Variants in SAXO2 observed in about 807,000 individuals in gnomAD.
The protein encoded by SAXO2 is stabilizer of axonemal microtubules 2.
SAXO2 carries 17 observed loss-of-function variants against 18.7 expected under a neutral mutation model. The observed-to-expected ratio is 0.91, with a 90% CI of 0.62 to 1.36. SAXO2 has a LOEUF of 1.36. Ranked by LOEUF, SAXO2 falls within the 40% of genes most tolerant of loss-of-function variation. The pLI is 0.00. For missense variants in SAXO2, 486 were observed against 562.6 expected (o/e 0.86, Z 1.38); for synonymous variants, 163 against 181.2 (o/e 0.90, Z 0.81).
In SAXO2 at chr15:82,265,693, G is replaced by C. The variant is rs3858954; in HGVS notation, c.178G>C (p.Ala60Pro). ...DNVLPPQSLK[A>P]KQEIRACHGK... is the part of the protein sequence containing the mutation. Reference sequence around the variant, plus strand: ...TGTTCTTCCACCTCAGAGTCTTAAAGCCAAGCAAGAAATTCGAGCATGCCA... The same window carrying C: ...TGTTCTTCCACCTCAGAGTCTTAAACCCAAGCAAGAAATTCGAGCATGCCA... Residue 60 changes from alanine (A) to proline (P), a missense_variant, in exon 2 of 4, where the codon GCC becomes CCC. Physicochemically the swap from Ala to Pro is conservative, Grantham distance 27. Coordinates refer to ENST00000682753, the MANE Select transcript of SAXO2 (RefSeq NM_001348699.2). 0.64 allele frequency: 980,562 copies of C among 1,524,066 alleles called. 321,534 individuals are homozygous for C. The highest frequency in any genetic ancestry group is 0.91 in the African/African-American group (65,574 of 72,160). The allele number at this position is 1,524,066 out of a possible 1,614,324, so 94.4% of individuals were successfully genotyped here.
rs756882543 is a variant in SAXO2, at chr15:82,282,960, C to T, written c.1275C>T (p.Cys425=). Residue 425 remains cysteine, a synonymous_variant, in exon 4 of 4, where the codon TGC becomes TGT. Transcript: ENST00000682753. ...ACACACCGAAAAGACAGGAAATTTG[C>T]CCAGCCAGCTATCCCTCTCCTCCAG... The part of the protein sequence containing the change: ...VEYTPKRQEI[C]PASYPSPPGY... The T allele has an allele frequency of 2.5e-6, 4 of 1,614,100 alleles. No individual in the cohort carries two copies. The highest frequency in any genetic ancestry group is 3.4e-6 in the Non-Finnish European group (4 of 1,179,996).
intron 1 of SAXO2, 150 bp downstream of exon 1, chr15:82,263,082 C>T: frequency 1.3e-6 from 2 of 1,508,394 alleles, no homozygotes; most frequent in South Asian, 2.5e-5. Context: ...TTATCCCGCT[C>T]CGCGAATACT....
intron 2 of SAXO2, among the ~76,000 whole-genome samples, chr15:82,269,491 G>A (rs1243520383): frequency 6.6e-6 from 1 of 152,204 alleles, no homozygotes; most frequent in Non-Finnish European, 1.5e-5. Flanking sequence ...GGCTAGTGAA[G>A]AAGACCAGGC....
intron 3 of SAXO2, among the ~76,000 whole-genome samples, chr15:82,280,549 A>G (rs2075354382): frequency 6.6e-6 from 1 of 152,178 alleles, no homozygotes; most frequent in Non-Finnish European, 1.5e-5. Flanking sequence ...GAAAGCTATC[A>G]GGTGCCCAGG....
At chr15:82,270,437 A>G (rs961308691) in intron 2 of SAXO2, among the ~76,000 whole-genome samples, 7 of 152,192 alleles carry the variant, frequency 4.6e-5, no homozygotes, top group African/African-American at 1.7e-4. Context: ...CATGGAAGAC[A>G]TTGTGAACTT....
Position 82,264,802 on chromosome 15 carries a change from A to G in SAXO2, c.54-767A>G, listed in dbSNP as rs183753985. ...AGTTAGGAAACCAGCTTGCAAATCA[A>G]GATGCCGCCTAACAACTTCTAGCTC... On this transcript the variant is annotated intron_variant, in intron 1 of 3. Coordinates refer to ENST00000682753, the MANE Select transcript of SAXO2 (RefSeq NM_001348699.2). 2.2e-4 allele frequency: 155 copies of G among 695,390 alleles called. No individual in the cohort carries two copies. In the African/African-American group the frequency reaches 2.5e-3, roughly 11 times the overall value. 43.1% of individuals were successfully genotyped at this position (695,390 alleles called of 1,614,324 possible).
At position 82,284,171 on chromosome 15, in the gene SAXO2, T is replaced by G. The variant is rs1386733515; in HGVS notation, c.*1109T>G. The G allele has an allele frequency of 6.6e-6, 1 of 152,216 alleles. No individual in the cohort carries two copies. The highest frequency in any genetic ancestry group is 2.4e-5 in the African/African-American group (1 of 41,460). 9.4% of individuals were successfully genotyped at this position (152,216 alleles called of 1,614,324 possible). ...TTTTTAAAATTGCTCAATCTCTTTT[T>G]GTACTTGTTTTCTCCTTTTCAAATT... On this transcript the variant is annotated 3_prime_UTR_variant, in exon 4 of 4. Coordinates refer to ENST00000682753, the MANE Select transcript of SAXO2 (RefSeq NM_001348699.2).
chr15:82,265,138 T>G (rs889108139), intron 1 of SAXO2, among the ~76,000 whole-genome samples: 2 of 151,882 alleles, frequency 1.3e-5, no homozygotes, highest in Non-Finnish European at 2.9e-5. Context: ...TTTTTGGGGG[T>G]TTTTTTGTTT....
At chr15:82,263,552 T>G (rs2075165666) in intron 1 of SAXO2, 1 of 629,926 alleles carries the variant, frequency 1.6e-6, no homozygotes, top group Non-Finnish European at 2.9e-6. Context: ...GACCCAGGGA[T>G]TAGATCATTA....
chr15:82,268,624 C>A (rs2075241787), intron 2 of SAXO2, among the ~76,000 whole-genome samples: 1 of 152,184 alleles, frequency 6.6e-6, no homozygotes, highest in Non-Finnish European at 1.5e-5. Context: ...AACAAAGAAG[C>A]ATTCTGTACC....
intron 3 of SAXO2, among the ~76,000 whole-genome samples, chr15:82,278,723 GAATTA>G (rs1179005300): frequency 6.6e-6 from 1 of 151,730 alleles, no homozygotes; most frequent in East Asian, 1.9e-4. Context: ...GATCATAACA[GAATTA>G]AATTAGACAT....
intron 1 of SAXO2, among the ~76,000 whole-genome samples, chr15:82,264,269 A>G (rs1036597063): frequency 4.0e-5 from 6 of 151,554 alleles, no homozygotes; most frequent in Non-Finnish European, 8.8e-5. Flanking sequence ...ACGGGGTTTC[A>G]CCATGTTGGC....
In SAXO2 at chr15:82,262,832, C is replaced by T. The variant is rs1388259281; in HGVS notation, c.-48C>T. The T allele has an allele frequency of 6.5e-7, 1 of 1,550,170 alleles. No homozygotes were observed. The highest frequency in any genetic ancestry group is 2.0e-5 in the Admixed American group (1 of 50,842). On this transcript the variant is annotated 5_prime_UTR_variant, in exon 1 of 4. Transcript: ENST00000682753. ...TCTGTTGCCTTGACTACGGCGGGCG[C>T]TGTGGGAGTGGAGAAGCTGCAAGTG...
chr15:82,280,107 A>G (rs1189412382), intron 3 of SAXO2, among the ~76,000 whole-genome samples: 1 of 152,214 alleles, frequency 6.6e-6, no homozygotes, highest in Non-Finnish European at 1.5e-5. Context: ...ATACTGCTAG[A>G]ATGTTATCAA....
chr15:82,266,492 C>G (rs1354572781), intron 2 of SAXO2, among the ~76,000 whole-genome samples: 1 of 152,214 alleles, frequency 6.6e-6, no homozygotes, highest in East Asian at 1.9e-4. Context: ...CTATTTACTT[C>G]TCTAATTCAT....
intron 3 of SAXO2, among the ~76,000 whole-genome samples, chr15:82,277,761 T>C (rs2075327833): frequency 6.6e-6 from 1 of 152,220 alleles, no homozygotes; most frequent in Non-Finnish European, 1.5e-5. Context: ...GGGCATGGAA[T>C]GAAGACTAGC....
At chr15:82,272,031 T>C in intron 3 of SAXO2, 2 of 438,802 alleles carry the variant, frequency 4.6e-6, no homozygotes, top group African/African-American at 4.0e-5. Flanking sequence ...TTCATCTACT[T>C]TGTTAGTTTT....
At chr15:82,281,232 A>G (rs901748946) in intron 3 of SAXO2, among the ~76,000 whole-genome samples, 4 of 152,232 alleles carry the variant, frequency 2.6e-5, no homozygotes, top group African/African-American at 9.6e-5. Flanking sequence ...TAGTTGAAAT[A>G]TAAACATTTC....
intron 2 of SAXO2, among the ~76,000 whole-genome samples, chr15:82,270,826 G>A (rs1177996428): frequency 6.6e-6 from 1 of 152,108 alleles, no homozygotes; most frequent in Admixed American, 6.5e-5. Flanking sequence ...AAGAAACTGG[G>A]GCATAAACAG....
Sources: allele counts gnomAD v4.1 joint callset (sites outside exome capture counted in the v4.1 genomes callset), GRCh38; gene constraint gnomAD v4.1.1; transcripts MANE v1.5; gene names NCBI Gene and HGNC (gene_info 2026-07-23, HGNC 2026-07-21).